Variants in PIP4K2A observed in about 807,000 individuals in gnomAD.
The protein encoded by PIP4K2A is phosphatidylinositol 5-phosphate 4-kinase type-2 alpha.
A neutral mutation model predicts 42.9 loss-of-function variants in PIP4K2A; 14 were observed. The ratio of observed to expected loss-of-function variants is 0.33; its 90% confidence interval spans 0.22 to 0.51. PIP4K2A has a LOEUF of 0.51. Ranked by LOEUF, PIP4K2A falls within the 20% of genes least tolerant of loss-of-function variation. The pLI is 0.97. For synonymous variants in PIP4K2A, 192 were observed against 192.2 expected, an observed-to-expected ratio of 1.00 and a Z score of 0.01; for missense variants, 434 against 519.8, an observed-to-expected ratio of 0.83 and a Z score of 1.61.
intron 4 of PIP4K2A, among the ~76,000 whole-genome samples, chr10:22,580,195 T>C (rs1837233427): frequency 6.6e-6 from 1 of 151,994 alleles, no homozygotes; most frequent in Non-Finnish European, 1.5e-5. Context: ...TGCTGCAGTG[T>C]CTCTGTATTT....
chr10:22,636,806 C>T (rs1838675959), intron 1 of PIP4K2A, among the ~76,000 whole-genome samples: 1 of 152,226 alleles, frequency 6.6e-6, no homozygotes, highest in Non-Finnish European at 1.5e-5. Flanking sequence ...GACTCTGGTA[C>T]TGGCCGCGAG....
At chr10:22,568,433 C>A (rs1290527195) in intron 5 of PIP4K2A, among the ~76,000 whole-genome samples, 1 of 152,200 alleles carries the variant, frequency 6.6e-6, no homozygotes, top group East Asian at 1.9e-4. Flanking sequence ...AACACTCTTT[C>A]CTTGCTTGCT....
At chr10:22,705,425 TTAA>T (rs1833800903) in intron 1 of PIP4K2A, among the ~76,000 whole-genome samples, 1 of 56,876 alleles carries the variant, frequency 1.8e-5, no homozygotes, top group African/African-American at 7.0e-5. Context: ...AGTACCCCAG[TTAA>T]AAAAAAAAAA....
At chr10:22,563,302 A>G (rs893199916) in intron 6 of PIP4K2A, among the ~76,000 whole-genome samples, 1 of 152,268 alleles carries the variant, frequency 6.6e-6, no homozygotes, top group East Asian at 1.9e-4. Context: ...AACTGTGCAG[A>G]CAATTCTAAT....
At chr10:22,582,614 T>C (rs900419080) in intron 4 of PIP4K2A, among the ~76,000 whole-genome samples, 1 of 152,098 alleles carries the variant, frequency 6.6e-6, no homozygotes, top group African/African-American at 2.4e-5. Context: ...TTTTGAAAGG[T>C]TAAATTATCT....
At chr10:22,574,545 T>C (rs1246958299) in intron 4 of PIP4K2A, among the ~76,000 whole-genome samples, 1 of 151,940 alleles carries the variant, frequency 6.6e-6, no homozygotes, top group Non-Finnish European at 1.5e-5. Flanking sequence ...TAATCAATTC[T>C]GATAATATTT....
At chr10:22,700,056 G>A (rs1833686116) in intron 1 of PIP4K2A, among the ~76,000 whole-genome samples, 1 of 152,214 alleles carries the variant, frequency 6.6e-6, no homozygotes, top group African/African-American at 2.4e-5. Flanking sequence ...AGAGAACCCT[G>A]AAATGAGTAC....
rs114937338 is a variant in PIP4K2A, at chr10:22,535,861, T to A, written c.*1340A>T. The A allele has an allele frequency of 2.8e-6, 1 of 351,894 alleles. No individual in the cohort carries two copies. The highest frequency in any genetic ancestry group is 5.0e-6 in the Non-Finnish European group (1 of 198,862). 21.8% of individuals were successfully genotyped at this position (351,894 alleles called of 1,614,324 possible). A position where few individuals can be genotyped will look rare whatever the true frequency, so the allele number is the denominator to read the frequency against. ...CGAAATCTCTTTTTAAAAAAATCAATCATTAGGTTGATAAATGTACATTTG... is the reference window on the plus strand; with the variant it reads ...CGAAATCTCTTTTTAAAAAAATCAAACATTAGGTTGATAAATGTACATTTG... On this transcript the variant is annotated 3_prime_UTR_variant, in exon 10 of 10. Coordinates refer to ENST00000376573, the MANE Select transcript of PIP4K2A (RefSeq NM_005028.5).
chr10:22,611,201 C>G (rs1295021617), intron 1 of PIP4K2A, among the ~76,000 whole-genome samples: 1 of 152,040 alleles, frequency 6.6e-6, no homozygotes, highest in East Asian at 1.9e-4. Context: ...CCAGCCTAGG[C>G]AACAGAATTC....
intron 1 of PIP4K2A, among the ~76,000 whole-genome samples, chr10:22,670,607 C>T (rs1174289355): frequency 6.6e-6 from 1 of 152,026 alleles, no homozygotes; most frequent in Non-Finnish European, 1.5e-5. Flanking sequence ...TTTGTCTCAC[C>T]CATATCGTCT....
chr10:22,576,462 A>C (rs1441126725), intron 4 of PIP4K2A, among the ~76,000 whole-genome samples: 1 of 152,202 alleles, frequency 6.6e-6, no homozygotes. Flanking sequence ...GCTGGAGGTC[A>C]GCCCTGAACC....
intron 1 of PIP4K2A, among the ~76,000 whole-genome samples, chr10:22,662,896 T>G (rs1247679163): frequency 6.6e-6 from 1 of 152,252 alleles, no homozygotes; most frequent in Non-Finnish European, 1.5e-5. Context: ...TACAGAGATA[T>G]GCACACATCT....
chr10:22,620,266 GA>G (rs746002578), intron 1 of PIP4K2A, among the ~76,000 whole-genome samples: 46 of 152,308 alleles, frequency 3.0e-4, no homozygotes, highest in South Asian at 6.2e-4. Flanking sequence ...CACAGAATCT[GA>G]CATAAAACTA....
At chr10:22,546,132 C>G (rs543669011) in intron 7 of PIP4K2A, among the ~76,000 whole-genome samples, 2 of 152,318 alleles carry the variant, frequency 1.3e-5, no homozygotes, top group African/African-American at 2.4e-5. Context: ...CCATGCTTGA[C>G]GAGTTCGCCT....
intron 1 of PIP4K2A, among the ~76,000 whole-genome samples, chr10:22,669,199 A>G (rs1008461217): frequency 1.3e-5 from 2 of 152,202 alleles, no homozygotes; most frequent in Non-Finnish European, 2.9e-5. Context: ...AGAATGAGTA[A>G]AAAGGAAATT....
chr10:22,714,153 G>C, intron 1 of PIP4K2A, 30 bp downstream of exon 1: 1 of 1,587,146 alleles, frequency 6.3e-7, no homozygotes, highest in Non-Finnish European at 8.6e-7. Flanking sequence ...GGAGGAGGAA[G>C]GGGACCGCGC....
chr10:22,571,376 A>AG (rs1836983877), intron 5 of PIP4K2A, among the ~76,000 whole-genome samples: 1 of 152,198 alleles, frequency 6.6e-6, no homozygotes, highest in Non-Finnish European at 1.5e-5. Flanking sequence ...CAAGTAAAAA[A>AG]CTGATTTTTA....
At chr10:22,641,095 C>A (rs146133443) in intron 1 of PIP4K2A, among the ~76,000 whole-genome samples, 4 of 152,206 alleles carry the variant, frequency 2.6e-5, no homozygotes, top group Admixed American at 6.5e-5. Flanking sequence ...TCATCTTAAA[C>A]CTTGTTGTAG....
rs1263972108 is a variant in PIP4K2A, at chr10:22,565,401, T to TA, written c.678+2449dup. Among the ~76,000 whole-genome samples, 12 of 152,356 alleles carry TA rather than the reference T, an allele frequency of 7.9e-5. No individual in the cohort carries two copies. In the East Asian group the frequency reaches 2.3e-3, roughly 29 times the overall value. On this transcript the variant is annotated intron_variant, in intron 6 of 9. Coordinates refer to ENST00000376573, the MANE Select transcript of PIP4K2A (RefSeq NM_005028.5). ...TTAGTTCCCTAAATTAATACTTTTG[T>TA]AATTTCTTATGCCTGTCTTTACTGC...
Sources: allele counts gnomAD v4.1 joint callset (sites outside exome capture counted in the v4.1 genomes callset), GRCh38; gene constraint gnomAD v4.1.1; transcripts MANE v1.5; gene names NCBI Gene and HGNC (gene_info 2026-07-23, HGNC 2026-07-21).